FUT8: variants seen among roughly 807,000 people sequenced by gnomAD.
FUT8 encodes the protein alpha-(1,6)-fucosyltransferase.
Under a neutral mutation model 71.3 loss-of-function variants are expected in FUT8, and 29 were observed. That is an observed-to-expected ratio of 0.41 (90% CI 0.30 to 0.55). The LOEUF (loss-of-function observed/expected upper bound fraction) is 0.55. Ranked by LOEUF, FUT8 falls within the 20% of genes least tolerant of loss-of-function variation. FUT8 has a pLI of 0.34. For missense variants in FUT8, 544 were observed against 702.1 expected (o/e 0.77, Z 2.55); for synonymous variants, 254 against 239.3 (o/e 1.06, Z -0.57).
chr14:65,635,272 T>G (rs1012136287), intron 6 of FUT8, among the ~76,000 whole-genome samples: 1 of 152,150 alleles, frequency 6.6e-6, no homozygotes, highest in Non-Finnish European at 1.5e-5. Flanking sequence ...AGGTAAATGA[T>G]CATATCGTCA....
intron 1 of FUT8, among the ~76,000 whole-genome samples, chr14:65,425,468 GTTTTTTT>G (rs557101189): frequency 8.4e-6 from 1 of 119,572 alleles, no homozygotes. Context: ...ATGCCTGGCC[GTTTTTTT>G]TTTTTTTTTT....
intron 1 of FUT8, among the ~76,000 whole-genome samples, chr14:65,434,095 C>G (rs2065518531): frequency 6.6e-6 from 1 of 152,084 alleles, no homozygotes; most frequent in South Asian, 2.1e-4. Context: ...ATTTTTGTTT[C>G]CTTAGAGAAG....
intron 1 of FUT8, among the ~76,000 whole-genome samples, chr14:65,423,160 A>G (rs1415072465): frequency 6.9e-6 from 1 of 144,930 alleles, no homozygotes; most frequent in African/African-American, 2.6e-5. Context: ...TAATTTTTGT[A>G]TTTTTTGTAG....
At chr14:65,618,010 CAT>C (rs149450437) in intron 5 of FUT8, among the ~76,000 whole-genome samples, 6,867 of 86,038 alleles carry the variant, frequency 0.08, 178 homozygotes, top group Non-Finnish European at 0.097. Flanking sequence ...AAAATTAATT[CAT>C]ATATATATAT....
At chr14:65,577,840 A>G (rs1286735753) in intron 3 of FUT8, among the ~76,000 whole-genome samples, 1 of 152,148 alleles carries the variant, frequency 6.6e-6, no homozygotes, top group Non-Finnish European at 1.5e-5. Flanking sequence ...GAAGCATAGA[A>G]TGGGCTTTAT....
At chr14:65,408,965 G>A (rs1320075852), upstream of FUT8, among the ~76,000 whole-genome samples, 1 of 152,174 alleles carries the variant, frequency 6.6e-6, no homozygotes, top group African/African-American at 2.4e-5. Flanking sequence ...AAATAAAAAT[G>A]AAAATATAGA....
At chr14:65,480,997 T>C (rs933872208) in intron 2 of FUT8, among the ~76,000 whole-genome samples, 1 of 152,164 alleles carries the variant, frequency 6.6e-6, no homozygotes, top group Non-Finnish European at 1.5e-5. Flanking sequence ...CCTCTTTAAT[T>C]CTTTTTTCAA....
intron 5 of FUT8, among the ~76,000 whole-genome samples, chr14:65,618,159 C>T (rs1349813773): frequency 1.3e-5 from 2 of 150,420 alleles, no homozygotes; most frequent in African/African-American, 2.4e-5. Flanking sequence ...TCGTCAGCCT[C>T]CTGTGTAGCT....
At chr14:65,681,614 T>A (rs1264142200) in intron 7 of FUT8, among the ~76,000 whole-genome samples, 1 of 152,228 alleles carries the variant, frequency 6.6e-6, no homozygotes, top group Admixed American at 6.5e-5. Context: ...AAATAAGGCA[T>A]TTTCTTTATA....
chr14:65,699,145 TACACACACACACACACACACACACACAC>T (rs60092488), intron 7 of FUT8, among the ~76,000 whole-genome samples: 75 of 132,130 alleles, frequency 5.7e-4, no homozygotes, highest in Middle Eastern at 7.5e-3. Flanking sequence ...CCCTCCCTTC[TACACACACACACACACACACACACACAC>T]ACACACACAC....
chr14:65,673,896 CTCAGG>C (rs1319356285), intron 7 of FUT8, among the ~76,000 whole-genome samples: 1 of 152,094 alleles, frequency 6.6e-6, no homozygotes, highest in Non-Finnish European at 1.5e-5. Flanking sequence ...AAATATCTCA[CTCAGG>C]TCAGAAGGAA....
At chr14:65,602,398 CACACAG>C in intron 3 of FUT8, among the ~76,000 whole-genome samples, 1 of 133,416 alleles carries the variant, frequency 7.5e-6, no homozygotes, top group Non-Finnish European at 1.6e-5. Flanking sequence ...CACACACACA[CACACAG>C]TTTCTTTATC....
intron 7 of FUT8, among the ~76,000 whole-genome samples, chr14:65,675,133 A>G (rs1456054273): frequency 6.6e-6 from 1 of 152,202 alleles, no homozygotes; most frequent in Non-Finnish European, 1.5e-5. Flanking sequence ...AAGGAGATAG[A>G]AGTCTATGGT....
At chr14:65,678,574 G>C (rs1892878317) in intron 7 of FUT8, among the ~76,000 whole-genome samples, 1 of 152,034 alleles carries the variant, frequency 6.6e-6, no homozygotes, top group Non-Finnish European at 1.5e-5. Context: ...GGAGTAAAGG[G>C]GGGTACTAGG....
In FUT8 at chr14:65,722,127, C is replaced by G. The variant is rs781741894; in HGVS notation, c.1082+106C>G. On this transcript the variant is annotated intron_variant, in intron 8 of 10. Coordinates refer to ENST00000673929, the MANE Select transcript of FUT8 (RefSeq NM_001371533.1). ...CAATATGTAGTTCAATTTTTATAGT[C>G]CCACCAAAGGACAGAGGTTCTAGAG... The G allele has an allele frequency of 5.9e-6, 8 of 1,363,534 alleles. No homozygotes were observed. In the Admixed American group the frequency reaches 6.2e-5, roughly 11 times the overall value. The allele number at this position is 1,363,534 out of a possible 1,614,324, so 84.5% of individuals were successfully genotyped here. A position where few individuals can be genotyped will look rare whatever the true frequency, so the allele number is the denominator to read the frequency against.
chr14:65,686,976 T>C (rs1594896747), intron 7 of FUT8, among the ~76,000 whole-genome samples: 1 of 152,204 alleles, frequency 6.6e-6, no homozygotes, highest in East Asian at 1.9e-4. Context: ...ATATGGCCTT[T>C]CAGTTGAACT....
chr14:65,639,509 GACACAC>G (rs10559310), intron 6 of FUT8, among the ~76,000 whole-genome samples: 64 of 148,228 alleles, frequency 4.3e-4, no homozygotes, highest in African/African-American at 1.3e-3. Context: ...TTCAAATCCA[GACACAC>G]ACACACACAC....
chr14:65,727,073 C>T (rs1011696508), intron 9 of FUT8, among the ~76,000 whole-genome samples: 1 of 152,236 alleles, frequency 6.6e-6, no homozygotes, highest in African/African-American at 2.4e-5. Flanking sequence ...CAGCTCCACC[C>T]CTATGGCTTT....
At chr14:65,725,901 T>C (rs113525798) in intron 9 of FUT8, among the ~76,000 whole-genome samples, 2 of 152,350 alleles carry the variant, frequency 1.3e-5, no homozygotes, top group African/African-American at 4.8e-5. Context: ...ATAATTTAAA[T>C]CCTCTTTCTA....
Sources: gnomAD v4.1 joint callset for allele counts (sites outside exome capture counted in the v4.1 genomes callset) on GRCh38, gnomAD v4.1.1 for gene constraint, MANE v1.5 for transcripts, NCBI Gene and HGNC (gene_info 2026-07-23, HGNC 2026-07-21) for gene names.